Variants in WDR70 observed in about 807,000 individuals in gnomAD.
WDR70 encodes the protein WD repeat domain 70.
WDR70 carries 53 observed loss-of-function variants against 88.6 expected under a neutral mutation model. The observed-to-expected ratio is 0.60, with a 90% confidence interval of 0.48 to 0.75. The LOEUF is 0.75. Among genes scored for constraint, WDR70 ranks in the 30% least tolerant of loss-of-function variants. The pLI is 0.00. For synonymous variants in WDR70, 280 were observed against 270.0 expected, an observed-to-expected ratio of 1.04 and a Z score of -0.36; for missense variants, 610 against 823.2, an observed-to-expected ratio of 0.74 and a Z score of 3.17.
intron 8 of WDR70, among the ~76,000 whole-genome samples, chr5:37,495,791 C>G (rs566661828): frequency 7.9e-5 from 12 of 152,084 alleles, no homozygotes; most frequent in African/African-American, 2.9e-4. Context: ...CTGTTTAGAC[C>G]CATTTAAGAA....
chr5:37,570,956 G>C (rs1355529393), intron 9 of WDR70, among the ~76,000 whole-genome samples: 1 of 152,008 alleles, frequency 6.6e-6, no homozygotes, highest in Non-Finnish European at 1.5e-5. Flanking sequence ...AGATGGTTTT[G>C]TGTACATCTC....
intron 3 of WDR70, among the ~76,000 whole-genome samples, chr5:37,390,535 T>C (rs1748780740): frequency 2.0e-5 from 3 of 151,016 alleles, no homozygotes; most frequent in African/African-American, 7.3e-5. Context: ...AGAGACGGGG[T>C]TTCACCTTGT....
At chr5:37,635,010 A>G (rs763803131) in intron 10 of WDR70, among the ~76,000 whole-genome samples, 11 of 152,022 alleles carry the variant, frequency 7.2e-5, no homozygotes, top group Admixed American at 3.9e-4. Context: ...ATAGGCCCCA[A>G]TTTTTTTGAC....
At chr5:37,709,059 G>T (rs1200088071) in intron 13 of WDR70, among the ~76,000 whole-genome samples, 1 of 152,192 alleles carries the variant, frequency 6.6e-6, no homozygotes, top group African/African-American at 2.4e-5. Context: ...CATACAAGGA[G>T]TAGCATTACA....
intron 10 of WDR70, among the ~76,000 whole-genome samples, chr5:37,627,429 T>G (rs1006802260): frequency 6.6e-5 from 10 of 152,140 alleles, no homozygotes; most frequent in Non-Finnish European, 1.3e-4. Flanking sequence ...TTTTGTTTAT[T>G]TATGCTCTGA....
At chr5:37,719,057 C>T (rs1013598442) in intron 13 of WDR70, among the ~76,000 whole-genome samples, 2 of 152,100 alleles carry the variant, frequency 1.3e-5, no homozygotes, top group African/African-American at 4.8e-5. Context: ...AGTCTTGGCT[C>T]AGATGGATTT....
intron 17 of WDR70, among the ~76,000 whole-genome samples, chr5:37,743,495 A>G (rs1176408252): frequency 6.6e-6 from 1 of 152,208 alleles, no homozygotes; most frequent in Non-Finnish European, 1.5e-5. Context: ...TAGCACTGGG[A>G]CTAGCAACTG....
chr5:37,573,132 A>C (rs919647833), intron 9 of WDR70, among the ~76,000 whole-genome samples: 35 of 152,184 alleles, frequency 2.3e-4, no homozygotes, highest in African/African-American at 8.0e-4. Flanking sequence ...CACTTGTTAA[A>C]GCTGGAAGTT....
intron 10 of WDR70, among the ~76,000 whole-genome samples, chr5:37,610,838 C>T (rs573076951): frequency 7.6e-4 from 115 of 152,162 alleles, no homozygotes; most frequent in Admixed American, 3.1e-3. Context: ...ATAGGGATTA[C>T]AGAGTAATAA....
intron 9 of WDR70, among the ~76,000 whole-genome samples, chr5:37,597,128 G>A (rs986413690): frequency 6.6e-6 from 1 of 152,074 alleles, no homozygotes; most frequent in African/African-American, 2.4e-5. Context: ...CCAGTTTGGG[G>A]CAATTGTGAA....
intron 9 of WDR70, among the ~76,000 whole-genome samples, chr5:37,582,154 A>G (rs1295351878): frequency 1.3e-5 from 2 of 152,182 alleles, no homozygotes; most frequent in Non-Finnish European, 2.9e-5. Context: ...TTTAAGTTAT[A>G]GAATGGGTCA....
chr5:37,389,823 G>T (rs1245326267), intron 3 of WDR70, among the ~76,000 whole-genome samples: 1 of 152,174 alleles, frequency 6.6e-6, no homozygotes, highest in East Asian at 1.9e-4. Context: ...ACACAAAAAA[G>T]TCAACATGAT....
intron 5 of WDR70, among the ~76,000 whole-genome samples, chr5:37,415,685 C>T (rs1215302037): frequency 5.7e-4 from 86 of 150,846 alleles, no homozygotes; most frequent in Non-Finnish European, 1.1e-3. Context: ...CTCCCTCCCG[C>T]CGGGCGGAGG....
chr5:37,557,957 A>ACTCTTTTGAAAACTC, intron 9 of WDR70, among the ~76,000 whole-genome samples: 1,247 of 138,770 alleles, frequency 9.0e-3, no homozygotes, highest in Middle Eastern at 0.012. Flanking sequence ...TCAAAAGAGT[A>ACTCTTTTGAAAACTC]TTATGTATAT....
chr5:37,558,837 T>C (rs977620959), intron 9 of WDR70, among the ~76,000 whole-genome samples: 1 of 152,194 alleles, frequency 6.6e-6, no homozygotes. Flanking sequence ...CTTTTCTTAC[T>C]TATTCCCATC....
At chr5:37,414,269 C>T (rs980432306) in intron 5 of WDR70, among the ~76,000 whole-genome samples, 4 of 148,532 alleles carry the variant, frequency 2.7e-5, no homozygotes, top group Non-Finnish European at 5.9e-5. Context: ...TGACTTTATC[C>T]CCTTCTACCC....
chr5:37,427,824 G>A (rs978440826), intron 5 of WDR70, among the ~76,000 whole-genome samples: 1 of 152,128 alleles, frequency 6.6e-6, no homozygotes, highest in Non-Finnish European at 1.5e-5. Context: ...AGCTGAGATC[G>A]TGCCACTGCA....
intron 9 of WDR70, among the ~76,000 whole-genome samples, chr5:37,579,160 G>A (rs1743140184): frequency 6.6e-6 from 1 of 152,178 alleles, no homozygotes; most frequent in Non-Finnish European, 1.5e-5. Flanking sequence ...AGCACTTAGA[G>A]CAGTTCTTGG....
chr5:37,413,545 T>A (rs1044523665), intron 5 of WDR70, among the ~76,000 whole-genome samples: 12 of 151,640 alleles, frequency 7.9e-5, no homozygotes, highest in Non-Finnish European at 1.8e-4. Context: ...ATATGGTGAA[T>A]CCCTGTCTCT....
Sources: allele counts gnomAD v4.1 joint callset (sites outside exome capture counted in the v4.1 genomes callset), GRCh38; gene constraint gnomAD v4.1.1; transcripts MANE v1.5; gene names NCBI Gene and HGNC (gene_info 2026-07-23, HGNC 2026-07-21).